The following PTPRD variants were observed in gnomAD, a reference collection of about 807,000 sequenced individuals.
PTPRD encodes the protein receptor-type tyrosine-protein phosphatase delta.
PTPRD carries 34 observed loss-of-function variants against 214.5 expected under a neutral mutation model. The observed-to-expected ratio is 0.16, with a 90% CI of 0.12 to 0.21. The LOEUF is 0.21. Among genes scored for constraint, PTPRD ranks in the 10% least tolerant of loss-of-function variants. The pLI, the probability that PTPRD is intolerant of heterozygous loss-of-function variation, is 1.00. For synonymous variants in PTPRD, 1,128 were observed against 845.7 expected (o/e 1.33, Z -5.79); for missense variants, 2,545 against 2,398.7 (o/e 1.06, Z -1.27).
intron 2 of PTPRD, among the ~76,000 whole-genome samples, chr9:10,476,096 C>G (rs935260688): frequency 6.6e-6 from 1 of 152,138 alleles, no homozygotes; most frequent in Non-Finnish European, 1.5e-5. Flanking sequence ...CCCCCTCTCA[C>G]CTCTCCTATT....
At chr9:9,705,903 G>C (rs1222533565) in intron 7 of PTPRD, among the ~76,000 whole-genome samples, 2 of 152,048 alleles carry the variant, frequency 1.3e-5, no homozygotes, top group Non-Finnish European at 2.9e-5. Context: ...AGGTAGTATG[G>C]CTTAGTGGAA....
At chr9:9,695,957 T>A (rs1175069224) in intron 7 of PTPRD, among the ~76,000 whole-genome samples, 1 of 152,130 alleles carries the variant, frequency 6.6e-6, no homozygotes, top group Non-Finnish European at 1.5e-5. Flanking sequence ...TTTTTTTTAG[T>A]TTGAATACAA....
chr9:8,688,959 G>A (rs78027862), intron 12 of PTPRD, among the ~76,000 whole-genome samples: 1 of 152,142 alleles, frequency 6.6e-6, no homozygotes, highest in African/African-American at 2.4e-5. Context: ...TGCATTTGAA[G>A]AATGTTCTAA....
chr9:8,854,972 T>C (rs1728928796), intron 11 of PTPRD, among the ~76,000 whole-genome samples: 1 of 152,158 alleles, frequency 6.6e-6, no homozygotes, highest in African/African-American at 2.4e-5. Context: ...CTTTTCTCTT[T>C]TCTATTTTTC....
chr9:9,450,753 G>A (rs1042019173), intron 8 of PTPRD, among the ~76,000 whole-genome samples: 5 of 151,250 alleles, frequency 3.3e-5, no homozygotes, highest in Non-Finnish European at 7.4e-5. Context: ...TATTATGGGG[G>A]GGGGTGTGTG....
intron 2 of PTPRD, among the ~76,000 whole-genome samples, chr9:10,454,508 C>A (rs2098889413): frequency 6.6e-6 from 1 of 151,688 alleles, no homozygotes; most frequent in Non-Finnish European, 1.5e-5. Context: ...CTTCTACCAT[C>A]CTCACTATTG....
intron 11 of PTPRD, among the ~76,000 whole-genome samples, chr9:8,854,343 G>T (rs1052710952): frequency 2.3e-4 from 35 of 152,086 alleles, no homozygotes; most frequent in Non-Finnish European, 8.8e-5. Flanking sequence ...AACTAAGGAA[G>T]GATAGTTTTA....
chr9:8,910,521 C>A (rs532151434), intron 11 of PTPRD, among the ~76,000 whole-genome samples: 2 of 152,240 alleles, frequency 1.3e-5, no homozygotes, highest in Admixed American at 1.3e-4. Flanking sequence ...GAGACCTGAG[C>A]TAGCATGCTC....
At chr9:9,135,682 G>T (rs2099849748) in intron 10 of PTPRD, among the ~76,000 whole-genome samples, 1 of 152,082 alleles carries the variant, frequency 6.6e-6, no homozygotes, top group South Asian at 2.1e-4. Context: ...CTTTATGCAG[G>T]ATTATTTGGG....
At chr9:9,861,281 A>AT (rs555516783) in intron 5 of PTPRD, among the ~76,000 whole-genome samples, 5 of 151,858 alleles carry the variant, frequency 3.3e-5, no homozygotes, top group Admixed American at 3.3e-4. Flanking sequence ...ATTTTATTTT[A>AT]TTTTTTTGTT....
intron 8 of PTPRD, among the ~76,000 whole-genome samples, chr9:9,465,579 C>A (rs916644963): frequency 2.6e-5 from 4 of 152,206 alleles, no homozygotes; most frequent in African/African-American, 9.6e-5. Flanking sequence ...TTTTCTGTCT[C>A]TACAGGACAG....
chr9:9,975,840 A>T (rs1184269695), intron 4 of PTPRD, among the ~76,000 whole-genome samples: 1 of 152,192 alleles, frequency 6.6e-6, no homozygotes, highest in East Asian at 1.9e-4. Flanking sequence ...TACTGCATTA[A>T]AGTGGGGATA....
intron 3 of PTPRD, among the ~76,000 whole-genome samples, chr9:10,143,046 T>C (rs1302172096): frequency 1.3e-5 from 2 of 151,956 alleles, no homozygotes; most frequent in South Asian, 2.1e-4. Context: ...ACACCGCATA[T>C]TGTCACTCAT....
chr9:9,997,339 G>A (rs1588485575), intron 4 of PTPRD, among the ~76,000 whole-genome samples: 1 of 149,126 alleles, frequency 6.7e-6, no homozygotes, highest in African/African-American at 2.5e-5. Context: ...AGTCTGGAGT[G>A]CAATGATGCA....
intron 5 of PTPRD, among the ~76,000 whole-genome samples, chr9:9,817,685 T>C (rs1345819142): frequency 6.6e-6 from 1 of 152,172 alleles, no homozygotes; most frequent in African/African-American, 2.4e-5. Context: ...ACAAACGGGC[T>C]AAGGGGTTAG....
chr9:9,522,705 C>A (rs186033012), intron 8 of PTPRD, among the ~76,000 whole-genome samples: 324 of 152,128 alleles, frequency 2.1e-3, no homozygotes, highest in Non-Finnish European at 3.9e-3. Flanking sequence ...TTTAAAAAGG[C>A]TTTTACTGGA....
At chr9:9,751,848 C>G (rs559061486) in intron 6 of PTPRD, among the ~76,000 whole-genome samples, 1 of 152,012 alleles carries the variant, frequency 6.6e-6, no homozygotes, top group Non-Finnish European at 1.5e-5. Flanking sequence ...AGAAAACTGA[C>G]ACACTACTCA....
chr9:8,784,863 A>G (rs28690175), intron 11 of PTPRD, among the ~76,000 whole-genome samples: 3,092 of 152,328 alleles, frequency 0.02, 32 homozygotes, highest in African/African-American at 0.031. Context: ...TATCATTTAC[A>G]TCTTTTTATC....
chr9:9,085,596 T>C (rs1009742906), intron 10 of PTPRD, among the ~76,000 whole-genome samples: 2 of 151,982 alleles, frequency 1.3e-5, no homozygotes, highest in African/African-American at 4.8e-5. Context: ...TTAGCACTTA[T>C]ACTTCATTGT....
Sources: gnomAD v4.1 joint callset for allele counts (sites outside exome capture counted in the v4.1 genomes callset) on GRCh38, gnomAD v4.1.1 for gene constraint, MANE v1.5 for transcripts, NCBI Gene and HGNC (gene_info 2026-07-23, HGNC 2026-07-21) for gene names.